CRIM1: variants seen among roughly 807,000 people sequenced by gnomAD.
The protein encoded by CRIM1 is cysteine-rich motor neuron 1 protein.
CRIM1 carries 32 observed loss-of-function variants against 116.4 expected under a neutral mutation model. The observed-to-expected ratio is 0.27, with a 90% CI of 0.21 to 0.37. The LOEUF is 0.37. Among genes scored for constraint, CRIM1 ranks in the 10% least tolerant of loss-of-function variants. The pLI is 1.00. For synonymous variants in CRIM1, 590 were observed against 509.2 expected, an observed-to-expected ratio of 1.16 and a Z score of -2.13; for missense variants, 1,331 against 1,354.8, an observed-to-expected ratio of 0.98 and a Z score of 0.28.
intron 1 of CRIM1, among the ~76,000 whole-genome samples, chr2:36,364,924 T>G (rs1219297868): frequency 6.6e-6 from 1 of 152,200 alleles, no homozygotes; most frequent in African/African-American, 2.4e-5. Flanking sequence ...ATTTCCATTC[T>G]ATTTTCTATC....
chr2:36,548,230 G>A (rs1456814296), intron 16 of CRIM1, among the ~76,000 whole-genome samples: 2 of 150,688 alleles, frequency 1.3e-5, no homozygotes, highest in African/African-American at 2.4e-5. Flanking sequence ...TGAAACACAA[G>A]GTCTGCACTT....
At chr2:36,402,631 T>C (rs1473800793) in intron 2 of CRIM1, among the ~76,000 whole-genome samples, 1 of 151,730 alleles carries the variant, frequency 6.6e-6, no homozygotes, top group Non-Finnish European at 1.5e-5. Flanking sequence ...TGTAAGAGTA[T>C]GAACAGAGCT....
chr2:36,439,636 A>C (rs529185164), intron 2 of CRIM1, among the ~76,000 whole-genome samples: 107 of 152,048 alleles, frequency 7.0e-4, no homozygotes, highest in African/African-American at 2.5e-3. Context: ...CTCTTCTCCA[A>C]AGTATCTCCG....
intron 2 of CRIM1, among the ~76,000 whole-genome samples, chr2:36,429,530 C>G (rs1489936766): frequency 6.6e-6 from 1 of 152,164 alleles, no homozygotes; most frequent in East Asian, 1.9e-4. Context: ...AAGACTGTCG[C>G]TGTCCTCTAT....
At chr2:36,420,116 C>T (rs1377013987) in intron 2 of CRIM1, among the ~76,000 whole-genome samples, 13 of 152,134 alleles carry the variant, frequency 8.5e-5, no homozygotes, top group Admixed American at 8.5e-4. Flanking sequence ...CCTCTTTCTT[C>T]TTCTGATATC....
intron 2 of CRIM1, among the ~76,000 whole-genome samples, chr2:36,437,249 C>A (rs1317179511): frequency 6.6e-6 from 1 of 152,142 alleles, no homozygotes; most frequent in Non-Finnish European, 1.5e-5. Flanking sequence ...GTGGTGGGCG[C>A]CTGTAGTCCC....
At chr2:36,423,970 G>T (rs1038231725) in intron 2 of CRIM1, among the ~76,000 whole-genome samples, 2 of 152,286 alleles carry the variant, frequency 1.3e-5, no homozygotes, top group East Asian at 1.9e-4. Context: ...AGACAGGTAC[G>T]TAGGTAGGTG....
rs540824322 is a variant in CRIM1 at position 36,522,972 on chromosome 2, T to G, written c.2428+659T>G. Among the ~76,000 whole-genome samples the G allele has an allele frequency of 9.2e-5, 14 of 151,834 alleles. No individual in the cohort carries two copies. The East Asian group carries it at 2.7e-3, about 30-fold the overall frequency. ...TTACAGTGGTTTTTTTTTTCTTTTT[T>G]TAGACAGATTCTCACTCTGTCACCC... On this transcript the variant is annotated intron_variant, in intron 13 of 16. Transcript: ENST00000280527.
At chr2:36,521,880 C>A (rs920747225) in intron 12 of CRIM1, among the ~76,000 whole-genome samples, 4 of 152,196 alleles carry the variant, frequency 2.6e-5, no homozygotes, top group Non-Finnish European at 5.9e-5. Flanking sequence ...AAACAACTAA[C>A]AGAATAACTG....
At chr2:36,381,170 A>T (rs1201752900) in intron 1 of CRIM1, among the ~76,000 whole-genome samples, 2 of 152,214 alleles carry the variant, frequency 1.3e-5, no homozygotes, top group African/African-American at 2.4e-5. Context: ...AGCCTCTGGA[A>T]TGTGGCACTC....
intron 1 of CRIM1, among the ~76,000 whole-genome samples, chr2:36,373,034 A>G (rs1346237324): frequency 1.3e-5 from 2 of 152,204 alleles, no homozygotes; most frequent in South Asian, 2.1e-4. Flanking sequence ...CTGTTCCCAG[A>G]CTTCCTAGGC....
chr2:36,397,677 G>A (rs1052142740), intron 2 of CRIM1, among the ~76,000 whole-genome samples: 2 of 152,178 alleles, frequency 1.3e-5, no homozygotes, highest in African/African-American at 4.8e-5. Flanking sequence ...TATAAGGGCA[G>A]TAAAGCAGGA....
rs190779307 is a variant in CRIM1 at position 36,363,550 on chromosome 2, C to G, written c.331+6927C>G. ...CGCCGCCCCCCCCCCCCATGACTAT[C>G]TTTTTATACCTTGTCTAAATGATTT... On this transcript the variant is annotated intron_variant, in intron 1 of 16. Coordinates refer to ENST00000280527, the MANE Select transcript of CRIM1 (RefSeq NM_016441.3). Among the ~76,000 whole-genome samples, 44 of 129,940 alleles carry G rather than the reference C, an allele frequency of 3.4e-4. No homozygotes were observed. In the East Asian group the frequency reaches 0.01, roughly 31 times the overall value. The allele number at this position is 129,940 out of a possible 152,430, so 85.2% of individuals were successfully genotyped here.
intron 1 of CRIM1, among the ~76,000 whole-genome samples, chr2:36,388,243 A>T (rs1671318117): frequency 6.6e-6 from 1 of 152,136 alleles, no homozygotes; most frequent in African/African-American, 2.4e-5. Context: ...CAGCTAGTAA[A>T]TCCTCTAAGA....
At chr2:36,418,888 G>A (rs556441135) in intron 2 of CRIM1, among the ~76,000 whole-genome samples, 1 of 152,284 alleles carries the variant, frequency 6.6e-6, no homozygotes, top group East Asian at 1.9e-4. Flanking sequence ...AAAATGAGAT[G>A]ATGGTCCCAG....
intron 7 of CRIM1, among the ~76,000 whole-genome samples, chr2:36,490,474 A>G (rs971713138): frequency 9.9e-5 from 15 of 152,260 alleles, no homozygotes; most frequent in Non-Finnish European, 2.2e-4. Flanking sequence ...TTGTGAGAAG[A>G]CGGGATGAGA....
At chr2:36,456,149 T>A (rs1444723983) in intron 4 of CRIM1, among the ~76,000 whole-genome samples, 1 of 152,100 alleles carries the variant, frequency 6.6e-6, no homozygotes, top group East Asian at 1.9e-4. Context: ...CTTTGTGTGC[T>A]CTGGGGAGAG....
intron 5 of CRIM1, among the ~76,000 whole-genome samples, chr2:36,467,664 G>T (rs557231245): frequency 6.6e-6 from 1 of 152,230 alleles, no homozygotes; most frequent in African/African-American, 2.4e-5. Flanking sequence ...CCATAGAATT[G>T]TAAGTAAAAG....
intron 1 of CRIM1, among the ~76,000 whole-genome samples, chr2:36,385,070 A>C (rs964114541): frequency 1.7e-4 from 26 of 150,342 alleles, no homozygotes; most frequent in African/African-American, 6.2e-4. Context: ...GACCAAACAC[A>C]ATCTTGCTTC....
Sources: allele counts gnomAD v4.1 joint callset (sites outside exome capture counted in the v4.1 genomes callset), GRCh38; gene constraint gnomAD v4.1.1; transcripts MANE v1.5; gene names NCBI Gene and HGNC (gene_info 2026-07-23, HGNC 2026-07-21).